The following TRPC5 variants were observed in gnomAD, a reference collection of about 807,000 sequenced individuals.
TRPC5 encodes the protein transient receptor potential cation channel subfamily C member 5, also known as short transient receptor potential channel 5.
In TRPC5, 9 loss-of-function variants were observed where a neutral mutation model predicts 56.5. The observed-to-expected ratio is 0.16, with a 90% CI of 0.10 to 0.28. TRPC5 has a LOEUF of 0.28. Ranked by LOEUF, TRPC5 falls within the 10% of genes least tolerant of loss-of-function variation. TRPC5 has a pLI of 1.00. For synonymous variants in TRPC5, 282 were observed against 278.5 expected (o/e 1.01, Z -0.13); for missense variants, 469 against 748.9 (o/e 0.63, Z 4.36).
intron 7 of TRPC5, among the ~76,000 whole-genome samples, chrX:111,811,224 C>T (rs1168287796): frequency 2.7e-5 from 3 of 112,397 alleles, no homozygotes; most frequent in African/African-American, 6.5e-5. Context: ...CCAGAAATTA[C>T]ATCCTTTGCA....
chrX:111,864,471 A>C (rs1362492009), intron 3 of TRPC5, among the ~76,000 whole-genome samples: 1 of 112,323 alleles, frequency 8.9e-6, no homozygotes, highest in Non-Finnish European at 1.9e-5. Context: ...CATGAAGACC[A>C]GTCCTGGGAA....
intron 2 of TRPC5, among the ~76,000 whole-genome samples, chrX:111,935,323 T>C (rs774978915): frequency 2.7e-5 from 3 of 112,185 alleles, no homozygotes; most frequent in Non-Finnish European, 3.8e-5. Context: ...CTAATCGTTT[T>C]TTTTCCTAGA....
intron 1 of TRPC5, among the ~76,000 whole-genome samples, chrX:112,056,245 A>G (rs189341046): frequency 2.7e-5 from 3 of 111,964 alleles, no homozygotes; most frequent in Admixed American, 1.9e-4. Flanking sequence ...GCACAATTGT[A>G]TACAGTGGCC....
intron 1 of TRPC5, among the ~76,000 whole-genome samples, chrX:112,008,470 G>A (rs1928900324): frequency 9.1e-6 from 1 of 109,849 alleles, no homozygotes; most frequent in East Asian, 2.9e-4. Flanking sequence ...TGCGGTGGTG[G>A]GTGCCTGTAG....
intron 7 of TRPC5, among the ~76,000 whole-genome samples, chrX:111,815,324 G>T (rs2148567434): frequency 9.0e-6 from 1 of 111,648 alleles, no homozygotes; most frequent in African/African-American, 3.3e-5. Context: ...TGCTCTGGGG[G>T]TGGGAGGCCC....
At chrX:111,791,521 C>T (rs1281621376) in intron 7 of TRPC5, among the ~76,000 whole-genome samples, 2 of 112,341 alleles carry the variant, frequency 1.8e-5, no homozygotes, top group Admixed American at 9.4e-5. Flanking sequence ...CATTAATTTC[C>T]ACAGGAATAG....
Position 111,777,022 on chromosome X carries a change from A to T in TRPC5, c.2233-20T>A, listed in dbSNP as rs768367895. On this transcript the variant is annotated intron_variant, in intron 10 of 10. Coordinates refer to ENST00000262839, the MANE Select transcript of TRPC5 (RefSeq NM_012471.3). ...TAATTCCTGGGAAAAGAGAGGAGAC[A>T]TATTATGTCAAGAAGCTTGGTCTTT... 14 of 1,091,952 alleles carry T rather than the reference A, an allele frequency of 1.3e-5. No individual in the cohort carries two copies. The highest frequency in any genetic ancestry group is 1.8e-5 in the African/African-American group (1 of 54,072). 90.0% of individuals were successfully genotyped at this position (1,091,952 alleles called of 1,213,427 possible).
intron 5 of TRPC5, among the ~76,000 whole-genome samples, chrX:111,851,705 T>C (rs2148585571): frequency 9.0e-6 from 1 of 111,356 alleles, no homozygotes; most frequent in Non-Finnish European, 1.9e-5. Flanking sequence ...ATTCTGCTAC[T>C]TGTCATTATA....
chrX:112,061,699 G>A lies in TRPC5; in HGVS notation c.-22+20180C>T, dbSNP rs745551915. On this transcript the variant is annotated intron_variant, in intron 1 of 10. Coordinates refer to ENST00000262839, the MANE Select transcript of TRPC5 (RefSeq NM_012471.3). ...ACACACACACATGACTATTAAAAACGTCTGTATGTGTGTGTGTAGGGGGTC... is the reference window on the plus strand; with the variant it reads ...ACACACACACATGACTATTAAAAACATCTGTATGTGTGTGTGTAGGGGGTC... Among the ~76,000 whole-genome samples the A allele has an allele frequency of 8.1e-5, 9 of 111,518 alleles. No homozygotes were observed. In the South Asian group the frequency reaches 2.7e-3, roughly 33 times the overall value.
At position 111,784,948 on chromosome X, in the gene TRPC5, A is replaced by G. The variant is rs910197624; in HGVS notation, c.1897-2810T>C. On this transcript the variant is annotated intron_variant, in intron 7 of 10. Transcript: ENST00000262839. ...ACTGGGGGGAGCCCACTGTAGCTCA[A>G]TGAGGCCCACTGCCTCTAGACTCCA... Among the ~76,000 whole-genome samples the G allele has an allele frequency of 4.4e-5, 5 of 112,567 alleles. No homozygotes were observed. In the South Asian group the frequency reaches 1.5e-3, roughly 33 times the overall value.
At chrX:111,823,749 C>A (rs1922102573) in intron 7 of TRPC5, among the ~76,000 whole-genome samples, 1 of 110,823 alleles carries the variant, frequency 9.0e-6, no homozygotes, top group South Asian at 3.9e-4. Flanking sequence ...CTTAAAGGAT[C>A]CTTCTGGTTA....
chrX:112,023,246 G>GTTTTTTTTTTTTTTTT (rs1163231468), intron 1 of TRPC5, among the ~76,000 whole-genome samples: 3 of 56,676 alleles, frequency 5.3e-5, no homozygotes, highest in Non-Finnish European at 9.5e-5. Flanking sequence ...TTTTTTTTTT[G>GTTTTTTTTTTTTTTTT]TTTTTTTTTT....
At chrX:111,953,987 C>A (rs1039524560) in intron 1 of TRPC5, among the ~76,000 whole-genome samples, 1 of 111,938 alleles carries the variant, frequency 8.9e-6, no homozygotes, top group African/African-American at 3.2e-5. Flanking sequence ...AATGACAAAT[C>A]TCTCTCCACA....
chrX:111,892,506 G>A (rs1186360209), intron 3 of TRPC5, among the ~76,000 whole-genome samples: 1 of 112,103 alleles, frequency 8.9e-6, no homozygotes, highest in Non-Finnish European at 1.9e-5. Context: ...AATATAGTTA[G>A]CTTTCGCCAG....
chrX:112,041,769 G>A (rs1313576561), intron 1 of TRPC5, among the ~76,000 whole-genome samples: 1 of 111,928 alleles, frequency 8.9e-6, no homozygotes, highest in Non-Finnish European at 1.9e-5. Context: ...TTTGTTTGCC[G>A]ATTTCCGGAC....
intron 3 of TRPC5, among the ~76,000 whole-genome samples, chrX:111,863,298 G>T (rs1342537514): frequency 8.9e-6 from 1 of 112,022 alleles, no homozygotes; most frequent in Non-Finnish European, 1.9e-5. Context: ...TGGTCTGTTT[G>T]GGGATGTACC....
intron 1 of TRPC5, among the ~76,000 whole-genome samples, chrX:112,052,144 G>A (rs1456517697): frequency 1.8e-5 from 2 of 111,671 alleles, no homozygotes; most frequent in East Asian, 2.8e-4. Context: ...ATACTCAGAA[G>A]CAAAACTGCT....
chrX:111,841,669 T>C (rs1158942522), intron 6 of TRPC5, among the ~76,000 whole-genome samples: 5 of 112,214 alleles, frequency 4.5e-5, no homozygotes, highest in Non-Finnish European at 9.4e-5. Flanking sequence ...TTTGAATGTC[T>C]AATTGTACAT....
intron 1 of TRPC5, among the ~76,000 whole-genome samples, chrX:112,004,440 C>G (rs1216620567): frequency 8.9e-6 from 1 of 111,846 alleles, no homozygotes; most frequent in African/African-American, 3.3e-5. Context: ...CAAAGTTTGC[C>G]AAGGGCAGAT....
Sources: gnomAD v4.1 joint callset for allele counts (sites outside exome capture counted in the v4.1 genomes callset) on GRCh38, gnomAD v4.1.1 for gene constraint, MANE v1.5 for transcripts, NCBI Gene and HGNC (gene_info 2026-07-23, HGNC 2026-07-21) for gene names.